LDB2: variants seen among roughly 807,000 people sequenced by gnomAD.
LDB2 encodes LIM domain-binding protein 2.
In LDB2, 12 loss-of-function variants were observed where a neutral mutation model predicts 44.3. That is an observed-to-expected ratio of 0.27 (90% CI 0.17 to 0.44). The LOEUF is 0.44. Among genes scored for constraint, LDB2 ranks in the 20% least tolerant of loss-of-function variants. The pLI is 1.00. For missense variants in LDB2, 344 were observed against 473.5 expected, an observed-to-expected ratio of 0.73 and a Z score of 2.54; for synonymous variants, 164 against 174.8, an observed-to-expected ratio of 0.94 and a Z score of 0.49.
chr4:16,733,042 C>T (rs17429777), intron 2 of LDB2, among the ~76,000 whole-genome samples: 5,250 of 152,204 alleles, frequency 0.034, 143 homozygotes, highest in Admixed American at 0.056. Context: ...ACCAGATACA[C>T]GTTTTTATAA....
At chr4:16,818,185 A>G (rs1198245843) in intron 1 of LDB2, among the ~76,000 whole-genome samples, 2 of 152,132 alleles carry the variant, frequency 1.3e-5, no homozygotes, top group Admixed American at 6.5e-5. Context: ...TCTGTGTAGT[A>G]CCACAATCTC....
chr4:16,840,178 C>T (rs1236145640), intron 1 of LDB2, among the ~76,000 whole-genome samples: 2 of 152,134 alleles, frequency 1.3e-5, no homozygotes, highest in African/African-American at 2.4e-5. Context: ...ACTATCAACT[C>T]TGATAGATTT....
At chr4:16,560,840 C>T (rs1165286538) in intron 5 of LDB2, among the ~76,000 whole-genome samples, 1 of 152,166 alleles carries the variant, frequency 6.6e-6, no homozygotes, top group Admixed American at 6.5e-5. Context: ...CAAACCGAAT[C>T]CAGCAGCACA....
At chr4:16,643,653 A>G (rs1735839130) in intron 2 of LDB2, among the ~76,000 whole-genome samples, 1 of 152,222 alleles carries the variant, frequency 6.6e-6, no homozygotes, top group Non-Finnish European at 1.5e-5. Context: ...TTTTGTATCT[A>G]AGCACTTCAA....
intron 1 of LDB2, among the ~76,000 whole-genome samples, chr4:16,883,530 C>G (rs1720794046): frequency 6.6e-6 from 1 of 152,212 alleles, no homozygotes; most frequent in Non-Finnish European, 1.5e-5. Context: ...CCACTTAGGG[C>G]TTGGGACGTT....
At chr4:16,822,284 T>C (rs1782248963) in intron 1 of LDB2, among the ~76,000 whole-genome samples, 1 of 152,266 alleles carries the variant, frequency 6.6e-6, no homozygotes, top group African/African-American at 2.4e-5. Context: ...AGACCATTGG[T>C]TAAAGCAGAG....
intron 2 of LDB2, among the ~76,000 whole-genome samples, chr4:16,648,622 A>T (rs956831089): frequency 2.0e-5 from 3 of 152,222 alleles, no homozygotes; most frequent in Non-Finnish European, 4.4e-5. Context: ...CTTGACATAG[A>T]GCTTATAAGC....
intron 2 of LDB2, among the ~76,000 whole-genome samples, chr4:16,672,887 T>G (rs1350683905): frequency 6.8e-6 from 1 of 146,454 alleles, no homozygotes; most frequent in Non-Finnish European, 1.5e-5. Flanking sequence ...CTTCCTTCCT[T>G]TTTTTTCCTT....
At chr4:16,783,165 C>T (rs191401032) in intron 1 of LDB2, among the ~76,000 whole-genome samples, 26 of 152,298 alleles carry the variant, frequency 1.7e-4, no homozygotes, top group Middle Eastern at 3.4e-3. Context: ...GGCTTATGAA[C>T]GAGAAGCAGG....
At chr4:16,780,644 T>A (rs1388951421) in intron 1 of LDB2, among the ~76,000 whole-genome samples, 2 of 152,140 alleles carry the variant, frequency 1.3e-5, no homozygotes, top group African/African-American at 4.8e-5. Flanking sequence ...AATGACAGCC[T>A]TTCTCTCCAG....
intron 5 of LDB2, among the ~76,000 whole-genome samples, chr4:16,565,963 T>C (rs1451482169): frequency 6.6e-6 from 1 of 151,842 alleles, no homozygotes. Flanking sequence ...CACACATGTA[T>C]CTATACATAC....
intron 5 of LDB2, among the ~76,000 whole-genome samples, chr4:16,565,438 A>AT (rs552027551): frequency 0.02 from 3,049 of 149,654 alleles, 64 homozygotes; most frequent in African/African-American, 0.05. Context: ...TTCGACATCC[A>AT]TTTTTTTTTT....
At chr4:16,776,329 C>T (rs1771896436) in intron 1 of LDB2, among the ~76,000 whole-genome samples, 1 of 152,198 alleles carries the variant, frequency 6.6e-6, no homozygotes, top group South Asian at 2.1e-4. Flanking sequence ...CTGAGAGAAC[C>T]TGCCCACTTT....
intron 2 of LDB2, among the ~76,000 whole-genome samples, chr4:16,614,105 A>G (rs558952021): frequency 6.6e-6 from 1 of 152,340 alleles, no homozygotes; most frequent in East Asian, 1.9e-4. Context: ...GACCTCAGAA[A>G]TAACACCACA....
intron 1 of LDB2, among the ~76,000 whole-genome samples, chr4:16,809,825 T>C (rs1410949509): frequency 6.6e-6 from 1 of 152,204 alleles, no homozygotes; most frequent in East Asian, 1.9e-4. Context: ...GATTTATTGA[T>C]GTGTCAATGC....
chr4:16,583,973 G>A (rs529169595), intron 5 of LDB2, among the ~76,000 whole-genome samples: 1 of 152,278 alleles, frequency 6.6e-6, no homozygotes, highest in South Asian at 2.1e-4. Flanking sequence ...CAGGAGTAAT[G>A]AGTGAGTGAA....
At chr4:16,512,426 T>A (rs1722110171) in intron 5 of LDB2, among the ~76,000 whole-genome samples, 1 of 145,886 alleles carries the variant, frequency 6.9e-6, no homozygotes, top group Non-Finnish European at 1.5e-5. Flanking sequence ...TGAATTCAAA[T>A]AACTCTTTCT....
intron 5 of LDB2, among the ~76,000 whole-genome samples, chr4:16,559,595 C>A (rs12645090): frequency 0.05 from 7,562 of 152,112 alleles, 240 homozygotes; most frequent in East Asian, 0.18. Context: ...AAAGAGACTT[C>A]GACTCCCACA....
intron 2 of LDB2, among the ~76,000 whole-genome samples, chr4:16,731,003 C>T (rs1377530019): frequency 6.6e-6 from 1 of 152,148 alleles, no homozygotes; most frequent in East Asian, 1.9e-4. Flanking sequence ...CAAAGCTTTC[C>T]CACACTTTCC....
Sources: gnomAD v4.1 joint callset for allele counts (sites outside exome capture counted in the v4.1 genomes callset) on GRCh38, gnomAD v4.1.1 for gene constraint, MANE v1.5 for transcripts, NCBI Gene and HGNC (gene_info 2026-07-23, HGNC 2026-07-21) for gene names.